The following SNAPC1 variants were observed in gnomAD, a reference collection of about 807,000 sequenced individuals.
The protein encoded by SNAPC1 is snRNA-activating protein complex subunit 1.
In SNAPC1, 42 loss-of-function variants were observed where a neutral mutation model predicts 50.1. The ratio of observed to expected loss-of-function variants is 0.84; its 90% CI spans 0.65 to 1.08. The LOEUF (loss-of-function observed/expected upper bound fraction) is 1.08. SNAPC1 is among the 50% of genes least tolerant of loss of function. SNAPC1 has a pLI of 0.00. For synonymous variants in SNAPC1, 164 were observed against 144.2 expected (o/e 1.14, Z -0.98); for missense variants, 477 against 427.3 (o/e 1.12, Z -1.02).
intron 4 of SNAPC1, among the ~76,000 whole-genome samples, chr14:61,772,961 G>C (rs2045004332): frequency 6.6e-6 from 1 of 152,148 alleles, no homozygotes; most frequent in Non-Finnish European, 1.5e-5. Flanking sequence ...TGAGAGCCTT[G>C]TCCCTTGATA....
chr14:61,763,510 T>TTG (rs1241773084), intron 1 of SNAPC1, among the ~76,000 whole-genome samples: 4 of 144,484 alleles, frequency 2.8e-5, no homozygotes, highest in Non-Finnish European at 3.0e-5. Context: ...TTTTTTTCTT[T>TTG]GGGCCCTCTA....
chr14:61,782,283 G>A lies in SNAPC1; in HGVS notation c.862G>A (p.Asp288Asn), dbSNP rs771775109. ...KSRRHRQVKL[D>N]SSDSDSASGQ... ...AAGAAGGCATCGTCAAGTCAAACTC[G>A]ACTCTTCTGACTCTGATTCTGCATC... Residue 288 changes from aspartate to asparagine, a missense_variant, in exon 8 of 10, where the codon GAC (aspartate) becomes AAC (asparagine). Transcript: ENST00000216294. 14 of 1,607,974 alleles carry A rather than the reference G, an allele frequency of 8.7e-6. No individual in the cohort carries two copies. The Admixed American group carries it at 1.5e-4, about 18-fold the overall frequency.
intron 3 of SNAPC1, 147 bp downstream of exon 3, chr14:61,767,499 T>C (rs2044957187): frequency 4.4e-6 from 2 of 451,560 alleles, no homozygotes; most frequent in Non-Finnish European, 7.1e-6. Context: ...AGTCTTGCTC[T>C]GTCGCCCAGG....
chr14:61,791,863 T>G (rs1465849618), intron 8 of SNAPC1, among the ~76,000 whole-genome samples: 1 of 151,778 alleles, frequency 6.6e-6, no homozygotes, highest in African/African-American at 2.4e-5. Context: ...AAAAATAGCT[T>G]AAGTGTGCGG....
intron 4 of SNAPC1, among the ~76,000 whole-genome samples, chr14:61,769,935 G>A (rs1210112214): frequency 6.6e-6 from 1 of 152,134 alleles, no homozygotes; most frequent in Admixed American, 6.5e-5. Context: ...AGAACATATA[G>A]AGAGGAGACG....
rs2044967090 is a variant in SNAPC1, at chr14:61,768,749, T to A, written c.534+9T>A. 1 of 1,474,182 alleles carries A rather than the reference T, an allele frequency of 6.8e-7. No homozygotes were observed. The highest frequency in any genetic ancestry group is 1.4e-5 in the African/African-American group (1 of 71,282). 91.3% of individuals were successfully genotyped at this position (1,474,182 alleles called of 1,614,324 possible). ...CTTCTGATGTATTAGAGGTAAATTTTCTTTTATGCTCTTGAAAATTTTTAA... is the reference window on the plus strand; with the variant it reads ...CTTCTGATGTATTAGAGGTAAATTTACTTTTATGCTCTTGAAAATTTTTAA... On this transcript the variant is annotated intron_variant, in intron 4 of 9. Transcript: ENST00000216294.
chr14:61,783,769 ACT>A (rs2045095593), intron 8 of SNAPC1, among the ~76,000 whole-genome samples: 1 of 151,836 alleles, frequency 6.6e-6, no homozygotes, highest in African/African-American at 2.4e-5. Flanking sequence ...TGAACTCCTG[ACT>A]TCGTGATTCG....
At chr14:61,781,134 G>A (rs970371454) in intron 7 of SNAPC1, among the ~76,000 whole-genome samples, 5 of 152,214 alleles carry the variant, frequency 3.3e-5, no homozygotes, top group African/African-American at 9.6e-5. Flanking sequence ...GATACTGAGA[G>A]ACAGCTATAC....
chr14:61,781,279 C>G (rs1320708512), intron 7 of SNAPC1, among the ~76,000 whole-genome samples: 1 of 151,812 alleles, frequency 6.6e-6, no homozygotes, highest in African/African-American at 2.4e-5. Context: ...GAAACGCTAT[C>G]TCTACTAAAA....
rs762972347 is a variant in SNAPC1 at position 61,795,175 on chromosome 14, T to G, written c.*192T>G. On this transcript the variant is annotated 3_prime_UTR_variant, in exon 10 of 10. Transcript: ENST00000216294. Reference sequence around the variant, plus strand: ...AATTAGAATAAGAATTCTTTAACATTTTCTTTAATGATTTGCATAAATGGA... The same window carrying G: ...AATTAGAATAAGAATTCTTTAACATGTTCTTTAATGATTTGCATAAATGGA... 7.6e-6 allele frequency: 4 copies of G among 525,394 alleles called. No individual in the cohort carries two copies. Among genetic ancestry groups the G allele is most frequent in the Non-Finnish European group, 1.3e-5 (4 of 299,712 alleles). 32.5% of individuals were successfully genotyped at this position (525,394 alleles called of 1,614,324 possible). A position where few individuals can be genotyped will look rare whatever the true frequency, so the allele number is the denominator to read the frequency against.
intron 4 of SNAPC1, among the ~76,000 whole-genome samples, chr14:61,770,234 C>CTT (rs72091048): frequency 0.17 from 22,693 of 133,784 alleles, 2,082 homozygotes; most frequent in African/African-American, 0.22. Flanking sequence ...CCCCCATGTT[C>CTT]TTTTTTTTTT....
intron 3 of SNAPC1, among the ~76,000 whole-genome samples, chr14:61,768,101 G>A (rs1486890753): frequency 1.3e-5 from 2 of 152,198 alleles, no homozygotes; most frequent in African/African-American, 4.8e-5. Flanking sequence ...TAAAATAGGA[G>A]AAGGTATTTT....
At chr14:61,771,449 A>G (rs1175501514) in intron 4 of SNAPC1, among the ~76,000 whole-genome samples, 1 of 152,192 alleles carries the variant, frequency 6.6e-6, no homozygotes, top group African/African-American at 2.4e-5. Flanking sequence ...GTCATTCAAC[A>G]AACAAATGAA....
chr14:61,785,107 GAC>G (rs1185812206), intron 8 of SNAPC1, among the ~76,000 whole-genome samples: 1 of 152,118 alleles, frequency 6.6e-6, no homozygotes, highest in Non-Finnish European at 1.5e-5. Flanking sequence ...TTTATTAAGA[GAC>G]ACAAGTTTCC....
chr14:61,773,049 T>C (rs2045005091), intron 4 of SNAPC1, among the ~76,000 whole-genome samples: 1 of 152,228 alleles, frequency 6.6e-6, no homozygotes. Flanking sequence ...TTTAATACTT[T>C]TAAATTTTCC....
intron 8 of SNAPC1, among the ~76,000 whole-genome samples, chr14:61,787,791 G>A (rs1183427111): frequency 1.3e-5 from 2 of 152,154 alleles, no homozygotes; most frequent in Admixed American, 6.5e-5. Context: ...ATAGAAGTAC[G>A]GAGTCCTTCT....
At chr14:61,791,471 C>G (rs755396243) in intron 8 of SNAPC1, among the ~76,000 whole-genome samples, 1 of 152,024 alleles carries the variant, frequency 6.6e-6, no homozygotes, top group Non-Finnish European at 1.5e-5. Context: ...ACACTGTATC[C>G]TTAACATAAT....
intron 1 of SNAPC1, among the ~76,000 whole-genome samples, chr14:61,765,514 T>C (rs1374767078): frequency 6.6e-6 from 1 of 152,176 alleles, no homozygotes; most frequent in Non-Finnish European, 1.5e-5. Context: ...GCAGGAAGAC[T>C]GGAAGTGGGG....
At chr14:61,764,370 TTG>T (rs1421051549) in intron 1 of SNAPC1, among the ~76,000 whole-genome samples, 1 of 152,200 alleles carries the variant, frequency 6.6e-6, no homozygotes, top group East Asian at 1.9e-4. Context: ...CAAATTACCT[TTG>T]TAGTTTTTTA....
Sources: allele counts gnomAD v4.1 joint callset (sites outside exome capture counted in the v4.1 genomes callset), GRCh38; gene constraint gnomAD v4.1.1; transcripts MANE v1.5; gene names NCBI Gene and HGNC (gene_info 2026-07-23, HGNC 2026-07-21).